SRBD1: variants seen among roughly 807,000 people sequenced by gnomAD.
SRBD1 encodes S1 RNA binding domain 1, also known as S1 RNA-binding domain-containing protein 1.
A neutral mutation model predicts 115.3 loss-of-function variants in SRBD1; 88 were observed. The ratio of observed to expected loss-of-function variants is 0.76; its 90% CI spans 0.64 to 0.91. The LOEUF (loss-of-function observed/expected upper bound fraction) is 0.91. Among genes scored for constraint, SRBD1 ranks in the 40% least tolerant of loss-of-function variants. The pLI is 0.00. For synonymous variants in SRBD1, 509 were observed against 407.7 expected, an observed-to-expected ratio of 1.25 and a Z score of -2.99; for missense variants, 1,385 against 1,177.4, an observed-to-expected ratio of 1.18 and a Z score of -2.58.
chr2:45,468,397 T>C (rs138022029), intron 16 of SRBD1, among the ~76,000 whole-genome samples: 12 of 151,952 alleles, frequency 7.9e-5, no homozygotes, highest in African/African-American at 2.9e-4. Flanking sequence ...ACTTTTTTTT[T>C]TTTTTTTTGA....
intron 16 of SRBD1, among the ~76,000 whole-genome samples, chr2:45,455,749 G>T (rs73925669): frequency 6.6e-6 from 1 of 151,766 alleles, no homozygotes; most frequent in African/African-American, 2.4e-5. Context: ...ACAATAAATA[G>T]TAACCAAAAA....
At chr2:45,601,716 A>C (rs1674096890) in intron 3 of SRBD1, among the ~76,000 whole-genome samples, 187 bp downstream of exon 3, 1 of 152,258 alleles carries the variant, frequency 6.6e-6, no homozygotes, top group Non-Finnish European at 1.5e-5. Context: ...ACCAACTCCT[A>C]GGAGAGGGAA....
At chr2:45,519,014 C>T (rs1255632556) in intron 14 of SRBD1, among the ~76,000 whole-genome samples, 2 of 146,928 alleles carry the variant, frequency 1.4e-5, no homozygotes, top group Non-Finnish European at 3.0e-5. Flanking sequence ...GAATTTCTAG[C>T]AAAGTATATT....
Position 45,432,412 on chromosome 2 carries a change from T to C in SRBD1, c.2050-12518A>G, listed in dbSNP as rs550575700. 1.1e-4 allele frequency among the ~76,000 whole-genome samples: 16 copies of C among 152,316 alleles called. No homozygotes were observed. In the East Asian group the frequency reaches 2.9e-3, roughly 28 times the overall value. On this transcript the variant is annotated intron_variant, in intron 16 of 20. Transcript: ENST00000263736. ...ATCCCATACTGTTTCCATAATAATGTCTTTGACATTAAAGCAGAGGCATTC... is the reference window on the plus strand; with the variant it reads ...ATCCCATACTGTTTCCATAATAATGCCTTTGACATTAAAGCAGAGGCATTC...
intron 14 of SRBD1, among the ~76,000 whole-genome samples, chr2:45,523,291 AAG>A (rs1207425701): frequency 6.6e-6 from 1 of 150,384 alleles, no homozygotes; most frequent in African/African-American, 2.4e-5. Flanking sequence ...AAAAAAAAAA[AAG>A]CAAACTAAAC....
chr2:45,428,946 A>G (rs1286337077), intron 16 of SRBD1, among the ~76,000 whole-genome samples: 3 of 152,202 alleles, frequency 2.0e-5, no homozygotes, highest in Non-Finnish European at 4.4e-5. Flanking sequence ...CAGACATAAT[A>G]AAAAATGATA....
In SRBD1 at chr2:45,553,557, C is replaced by T; in HGVS notation, c.1517+66G>A. On this transcript the variant is annotated intron_variant, in intron 11 of 20. Coordinates refer to ENST00000263736, the MANE Select transcript of SRBD1 (RefSeq NM_018079.5). The stretch of plus-strand genomic sequence containing the variant: ...TCAATCAACAAACATTAGCTACACA[C>T]TGTAATGGTACTAGTATCATATAAC... The T allele has an allele frequency of 3.9e-6, 4 of 1,013,600 alleles. No individual in the cohort carries two copies. In the South Asian group the frequency reaches 8.7e-5, roughly 22 times the overall value. The allele number at this position is 1,013,600 out of a possible 1,614,324, so 62.8% of individuals were successfully genotyped here. A position where few individuals can be genotyped will look rare whatever the true frequency, so the allele number is the denominator to read the frequency against.
At chr2:45,581,617 G>C (rs1673366795) in intron 6 of SRBD1, 76 bp downstream of exon 6, 1 of 1,003,308 alleles carries the variant, frequency 1.0e-6, no homozygotes, top group Admixed American at 2.3e-5. Flanking sequence ...TTATTTCTTG[G>C]TGTTCTTTAA....
At chr2:45,529,950 T>G (rs1210883532) in intron 14 of SRBD1, among the ~76,000 whole-genome samples, 1 of 152,030 alleles carries the variant, frequency 6.6e-6, no homozygotes, top group Non-Finnish European at 1.5e-5. Flanking sequence ...ATATTCCTAA[T>G]ATATTGCTGG....
chr2:45,515,793 A>G (rs1671100727), intron 14 of SRBD1, among the ~76,000 whole-genome samples: 1 of 152,240 alleles, frequency 6.6e-6, no homozygotes, highest in African/African-American at 2.4e-5. Context: ...AGATGATTTA[A>G]GTACAATGTT....
intron 14 of SRBD1, among the ~76,000 whole-genome samples, chr2:45,497,047 A>G (rs1242265132): frequency 6.6e-6 from 1 of 152,202 alleles, no homozygotes; most frequent in African/African-American, 2.4e-5. Flanking sequence ...ATCTAGAGTC[A>G]GATCTTTACT....
intron 19 of SRBD1, among the ~76,000 whole-genome samples, chr2:45,409,484 C>G (rs1223583825): frequency 7.2e-6 from 1 of 139,470 alleles, no homozygotes; most frequent in Non-Finnish European, 1.5e-5. Flanking sequence ...CTGTTCAACA[C>G]TGTACTGAAG....
intron 14 of SRBD1, among the ~76,000 whole-genome samples, chr2:45,524,847 G>A (rs1671393220): frequency 6.6e-6 from 1 of 151,980 alleles, no homozygotes; most frequent in South Asian, 2.1e-4. Context: ...AACAATCTGA[G>A]AAAAAACAAA....
intron 16 of SRBD1, among the ~76,000 whole-genome samples, chr2:45,423,707 C>T (rs1668072272): frequency 6.6e-6 from 1 of 152,054 alleles, no homozygotes; most frequent in African/African-American, 2.4e-5. Flanking sequence ...GCCAGCATTA[C>T]CCTGATACCA....
At chr2:45,531,023 G>A (rs1350885894) in intron 14 of SRBD1, among the ~76,000 whole-genome samples, 2 of 149,746 alleles carry the variant, frequency 1.3e-5, no homozygotes, top group Admixed American at 6.6e-5. Context: ...AATAATTTGC[G>A]TATACTGCTC....
chr2:45,584,894 T>C (rs546105964), intron 5 of SRBD1, among the ~76,000 whole-genome samples: 5 of 152,342 alleles, frequency 3.3e-5, no homozygotes, highest in African/African-American at 1.2e-4. Context: ...CTCAAGCCTA[T>C]CATCTCAGCA....
intron 11 of SRBD1, among the ~76,000 whole-genome samples, chr2:45,553,134 T>C (rs1163156614): frequency 6.6e-6 from 1 of 152,212 alleles, no homozygotes; most frequent in Non-Finnish European, 1.5e-5. Context: ...AAAACAATTC[T>C]GCACCTCACC....
intron 14 of SRBD1, among the ~76,000 whole-genome samples, chr2:45,508,903 T>C (rs1670876190): frequency 6.6e-6 from 1 of 152,060 alleles, no homozygotes; most frequent in Admixed American, 6.6e-5. Flanking sequence ...CAATTTTCCC[T>C]ATGTTTAAAT....
chr2:45,582,998 G>A (rs1331511584), intron 5 of SRBD1, among the ~76,000 whole-genome samples: 2 of 151,814 alleles, frequency 1.3e-5, no homozygotes, highest in Non-Finnish European at 2.9e-5. Flanking sequence ...CAAAAGGAAG[G>A]GTGGGCACAG....
Sources: gnomAD v4.1 joint callset for allele counts (sites outside exome capture counted in the v4.1 genomes callset) on GRCh38, gnomAD v4.1.1 for gene constraint, MANE v1.5 for transcripts, NCBI Gene and HGNC (gene_info 2026-07-23, HGNC 2026-07-21) for gene names.